FSCN3: variants seen among roughly 807,000 people sequenced by gnomAD.
FSCN3 encodes the protein fascin-3.
FSCN3 carries 43 observed loss-of-function variants against 53.5 expected under a neutral mutation model. That is an observed-to-expected ratio of 0.80 (90% CI 0.63 to 1.04). The LOEUF (loss-of-function observed/expected upper bound fraction) is 1.04, where lower values mean the gene tolerates loss of function less well. FSCN3 is among the 50% of genes least tolerant of loss of function. The probability of loss-of-function intolerance (pLI) is 0.00; values close to 1 mark genes in which losing one functional copy is unlikely to be tolerated. For synonymous variants in FSCN3, 235 were observed against 246.6 expected, an observed-to-expected ratio of 0.95 and a Z score of 0.44; for missense variants, 594 against 646.5, an observed-to-expected ratio of 0.92 and a Z score of 0.88.
chr7:127,597,265 T>C (rs1478506341), intron 3 of FSCN3, among the ~76,000 whole-genome samples: 2 of 152,220 alleles, frequency 1.3e-5, no homozygotes, highest in East Asian at 3.8e-4. Context: ...GGTTGTATAA[T>C]AGATATGTGC....
At chr7:127,597,038 C>T (rs1482719494) in intron 3 of FSCN3, among the ~76,000 whole-genome samples, 2 of 152,250 alleles carry the variant, frequency 1.3e-5, no homozygotes, top group African/African-American at 4.8e-5. Flanking sequence ...ACATAATGTT[C>T]GTGTGTCAGT....
intron 1 of FSCN3, 200 bp from the exon 2 acceptor site, chr7:127,595,107 G>A (rs748891414): frequency 1.4e-4 from 82 of 604,672 alleles, no homozygotes; most frequent in Admixed American, 2.4e-4. Context: ...AGGGGTGGAA[G>A]GGCCCAGAGA....
At chr7:127,595,166 G>C (rs1170192111) in intron 1 of FSCN3, 141 bp from the exon 2 acceptor site, 2 of 674,008 alleles carry the variant, frequency 3.0e-6, no homozygotes, top group Non-Finnish European at 5.0e-6. Context: ...ACAGCAAGGA[G>C]ATACCAGGGC....
Position 127,598,348 on chromosome 7 carries a change from G to A in FSCN3, c.961-87G>A, listed in dbSNP as rs553595292. ...AAAAAGGCTGATGAGTGGGATGTGGGAAGAGGGTCTAGGAATAAAACTGAT... is the reference window on the plus strand; with the variant it reads ...AAAAAGGCTGATGAGTGGGATGTGGAAAGAGGGTCTAGGAATAAAACTGAT... On this transcript the variant is annotated intron_variant, in intron 3 of 6. Transcript: ENST00000265825. The A allele has an allele frequency of 1.4e-5, 17 of 1,257,948 alleles. No individual in the cohort carries two copies. In the East Asian group the frequency reaches 3.7e-4, roughly 27 times the overall value. The allele number at this position is 1,257,948 out of a possible 1,614,324, so 77.9% of individuals were successfully genotyped here.
At chr7:127,594,119 T>G in intron 1 of FSCN3, 122 bp downstream of exon 1, 1 of 1,230,944 alleles carries the variant, frequency 8.1e-7, no homozygotes. Flanking sequence ...TACTTGCCTG[T>G]ATATGAAAGT....
chr7:127,595,235 A>T (rs1794367593), intron 1 of FSCN3, 72 bp from the exon 2 acceptor site: 1 of 1,332,942 alleles, frequency 7.5e-7, no homozygotes, highest in African/African-American at 1.4e-5. Context: ...ACCAGCCATG[A>T]CAGTTGCAGG....
chr7:127,594,503 G>A (rs1587539450), intron 1 of FSCN3: 1 of 470,872 alleles, frequency 2.1e-6, no homozygotes. Context: ...GCACAGGGTG[G>A]TTGTGTCAGA....
rs143220210 is a variant in FSCN3, at chr7:127,595,591, T to C, written c.429T>C (p.His143=). 4.3e-6 allele frequency: 7 copies of C among 1,614,004 alleles called. No homozygotes were observed. The highest frequency in any genetic ancestry group is 1.3e-5 in the African/African-American group (1 of 74,930). ...TGTGGACCCCCCGACCAGCCCTCCA[T>C]GTCCACGTGATCCTCTACAGCCCCA... ...YHMWTPRPAL[H]VHVILYSPIH... Residue 143 remains histidine, a synonymous_variant, in exon 2 of 7, where the codon CAT becomes CAC. Coordinates refer to ENST00000265825, the MANE Select transcript of FSCN3 (RefSeq NM_020369.3).
At chr7:127,599,011 A>C (rs1420533715) in intron 4 of FSCN3, among the ~76,000 whole-genome samples, 1 of 151,440 alleles carries the variant, frequency 6.6e-6, no homozygotes, top group Non-Finnish European at 1.5e-5. Context: ...TTGGGTCTGT[A>C]CTTGTTCAGT....
intron 5 of FSCN3, 117 bp from the exon 6 acceptor site, chr7:127,600,077 C>A (rs1384170440): frequency 1.4e-5 from 9 of 655,306 alleles, no homozygotes; most frequent in Admixed American, 2.4e-5. Context: ...CCCGCCAATG[C>A]AGGCAGGATG....
Position 127,596,441 on chromosome 7 carries a change from TC to T in FSCN3, c.958del (p.Gln320ArgfsTer7). 6.7e-7 allele frequency: 1 copy of T among 1,488,754 alleles called. No individual in the cohort carries two copies. 92.2% of individuals were successfully genotyped at this position (1,488,754 alleles called of 1,614,324 possible). ...QLRSANGYYL[S>X]QRRHRAVMAD... is the part of the protein sequence containing the mutation. The stretch of plus-strand genomic sequence containing the variant: ...TCGTTCAGCCAATGGCTACTACCTA[TC>T]CCAGGTGAGACCTTGGCTTCCTGAG... On this transcript the variant is annotated frameshift_variant, in exon 3 of 7. Transcript: ENST00000265825. LOFTEE classifies it high-confidence loss of function.
At chr7:127,598,663 A>T (rs1794426619) in intron 4 of FSCN3, 69 bp downstream of exon 4, 1 of 1,374,964 alleles carries the variant, frequency 7.3e-7, no homozygotes, top group Non-Finnish European at 1.0e-6. Flanking sequence ...GTGGAATATG[A>T]TTGTTAAAAA....
At position 127,600,231 on chromosome 7, in the gene FSCN3, C is replaced by T. The variant is rs1003359604; in HGVS notation, c.1329C>T (p.Gly443=). 5 of 1,610,102 alleles carry T rather than the reference C, an allele frequency of 3.1e-6. No individual in the cohort carries two copies. In the African/African-American group the frequency reaches 5.3e-5, roughly 17 times the overall value. The part of the protein sequence containing the change: ...GGSFWSITSF[G]TFRPWGKFAL... ...CCTTCTGGTCAATAACATCCTTTGG[C>T]ACCTTTCGCCCTTGGGGCAAGTTTG... The change falls in exon 6 of 7, where the codon GGC becomes GGT. Residue 443 remains glycine, a synonymous_variant. Coordinates refer to ENST00000265825, the MANE Select transcript of FSCN3 (RefSeq NM_020369.3).
chr7:127,599,451 T>C lies in FSCN3; in HGVS notation c.1191T>C (p.Tyr397=). 3 of 1,614,068 alleles carry C rather than the reference T, an allele frequency of 1.9e-6. No individual in the cohort carries two copies. Among genetic ancestry groups the C allele is most frequent in the Non-Finnish European group, 2.5e-6 (3 of 1,179,922 alleles). ...SFLVLRGRYG[Y]VGSSSGHDLI... is the part of the protein sequence containing the mutation. Reference sequence around the variant, plus strand: ...TTGTATTGCGAGGTCGTTATGGCTATGTGGGCTCCTCATCGGGCCATGACC... The same window carrying C: ...TTGTATTGCGAGGTCGTTATGGCTACGTGGGCTCCTCATCGGGCCATGACC... The change falls in exon 5 of 7, where the codon TAT becomes TAC. Residue 397 remains tyrosine, a synonymous_variant. Coordinates refer to ENST00000265825, the MANE Select transcript of FSCN3 (RefSeq NM_020369.3).
Position 127,600,222 on chromosome 7 carries a change from A to G in FSCN3, c.1320A>G (p.Thr440=), listed in dbSNP as rs754778455. ...QAQGGSFWSI[T]SFGTFRPWGK... ...AGGGGGGATCCTTCTGGTCAATAAC[A>G]TCCTTTGGCACCTTTCGCCCTTGGG... Residue 440 remains threonine (T), a synonymous_variant, in exon 6 of 7, where the codon ACA becomes ACG. Transcript: ENST00000265825. 1 of 1,609,072 alleles carries G rather than the reference A, an allele frequency of 6.2e-7. No individual in the cohort carries two copies.
Position 127,598,511 on chromosome 7 carries a change from G to A in FSCN3, c.1037G>A (p.Gly346Asp), listed in dbSNP as rs1680904513. The A allele has an allele frequency of 1.9e-6, 3 of 1,614,070 alleles. No homozygotes were observed. Among genetic ancestry groups the A allele is most frequent in the Non-Finnish European group, 2.5e-6 (3 of 1,179,932 alleles). The change falls in exon 4 of 7, where the codon GGC (glycine) becomes GAC (aspartate). Residue 346 changes from glycine to aspartate, a missense_variant. Physicochemically the swap from Gly to Asp is moderately conservative, Grantham distance 94. Coordinates refer to ENST00000265825, the MANE Select transcript of FSCN3 (RefSeq NM_020369.3). ...DTFFRMHWNC[G>D]RIILQSCRGR... ...TTCTTCCGAATGCACTGGAACTGTGGCAGGATCATCCTGCAGTCCTGCAGG... is the reference window on the plus strand; with the variant it reads ...TTCTTCCGAATGCACTGGAACTGTGACAGGATCATCCTGCAGTCCTGCAGG...
At chr7:127,599,594 C>T (rs1794442290) in intron 5 of FSCN3, 43 bp downstream of exon 5, 1 of 1,580,746 alleles carries the variant, frequency 6.3e-7, no homozygotes. Flanking sequence ...ACAGTCTAGT[C>T]CCTGCCTTAG....
intron 1 of FSCN3, chr7:127,594,815 C>G (rs1172343396): frequency 2.1e-6 from 1 of 471,734 alleles, no homozygotes; most frequent in Admixed American, 2.3e-5. Context: ...TGCATCTGAA[C>G]TGTTCATGCT....
At position 127,595,473 on chromosome 7, in the gene FSCN3, A is replaced by G. The variant is rs766681711; in HGVS notation, c.311A>G (p.Lys104Arg). The G allele has an allele frequency of 1.9e-6, 3 of 1,614,172 alleles. No individual in the cohort carries two copies. Among genetic ancestry groups the G allele is most frequent in the Non-Finnish European group, 2.5e-6 (3 of 1,180,016 alleles). ...CFLLRFHRNS[K>R]WTLQCLISGR... ...CTACTGCGTTTCCACCGGAACAGCA[A>G]GTGGACCCTCCAGTGCCTAATCTCT... The change falls in exon 2 of 7, where the codon AAG becomes AGG. Residue 104 changes from lysine (K) to arginine (R), a missense_variant. Physicochemically the swap from Lys to Arg is conservative, Grantham distance 26 (BLOSUM62 2). Transcript: ENST00000265825.
Sources: allele counts gnomAD v4.1 joint callset (sites outside exome capture counted in the v4.1 genomes callset), GRCh38; gene constraint gnomAD v4.1.1; transcripts MANE v1.5; gene names NCBI Gene and HGNC (gene_info 2026-07-23, HGNC 2026-07-21).